Variants in MTA3 observed in about 807,000 individuals in gnomAD.
The protein encoded by MTA3 is metastasis associated 1 family member 3, also known as metastasis-associated protein MTA3.
MTA3 carries 34 observed loss-of-function variants against 83.5 expected under a neutral mutation model. The observed-to-expected ratio is 0.41, with a 90% CI of 0.31 to 0.54. The LOEUF (loss-of-function observed/expected upper bound fraction) is 0.54. MTA3 is among the 20% of genes least tolerant of loss of function. MTA3 has a pLI of 0.33. For missense variants in MTA3, 761 were observed against 726.4 expected (o/e 1.05, Z -0.55); for synonymous variants, 303 against 252.7 (o/e 1.20, Z -1.89).
intron 16 of MTA3, among the ~76,000 whole-genome samples, chr2:42,746,356 A>G (rs1254146566): frequency 2.6e-5 from 4 of 152,114 alleles, no homozygotes; most frequent in Non-Finnish European, 5.9e-5. Flanking sequence ...GCAGTTGCTT[A>G]TTTTTCTGTT....
intron 9 of MTA3, 152 bp downstream of exon 9, chr2:42,682,741 GAAACTGAT>G: frequency 1.4e-6 from 1 of 700,604 alleles, no homozygotes; most frequent in Non-Finnish European, 2.3e-6. Context: ...TGTAAAGGGA[GAAACTGAT>G]AATTGTTTGG....
intron 2 of MTA3, among the ~76,000 whole-genome samples, chr2:42,509,419 G>C (rs1373570430): frequency 2.0e-5 from 3 of 152,112 alleles, no homozygotes; most frequent in Admixed American, 6.6e-5. Context: ...TCTGGGGTCA[G>C]TTCACACCAA....
intron 3 of MTA3, among the ~76,000 whole-genome samples, chr2:42,603,151 C>T (rs1311706949): frequency 1.4e-5 from 2 of 143,664 alleles, no homozygotes; most frequent in Non-Finnish European, 3.0e-5. Flanking sequence ...GAAGGGAGAA[C>T]ACAGGTCCTT....
At chr2:42,595,396 C>T (rs1374552437) in intron 3 of MTA3, among the ~76,000 whole-genome samples, 1 of 152,106 alleles carries the variant, frequency 6.6e-6, no homozygotes, top group Non-Finnish European at 1.5e-5. Flanking sequence ...AGACGTGAGC[C>T]ACTGTGCCCG....
chr2:42,642,032 T>C (rs1307804565), intron 5 of MTA3, among the ~76,000 whole-genome samples: 1 of 152,060 alleles, frequency 6.6e-6, no homozygotes, highest in East Asian at 1.9e-4. Context: ...TATAAAAAAT[T>C]TAAAAATAAA....
At chr2:42,613,566 C>G (rs1180653619) in intron 4 of MTA3, 7 of 152,162 alleles carry the variant, frequency 4.6e-5, no homozygotes, top group Admixed American at 3.9e-4. Flanking sequence ...AGAAAATTAT[C>G]AAAGCCCCAT....
At chr2:42,497,353 G>A (rs1357416851) in intron 2 of MTA3, among the ~76,000 whole-genome samples, 2 of 152,088 alleles carry the variant, frequency 1.3e-5, no homozygotes, top group African/African-American at 4.8e-5. Flanking sequence ...TTGGGAGGCC[G>A]AGGCAGGTGG....
chr2:42,750,829 C>T (rs140449912), intron 16 of MTA3, among the ~76,000 whole-genome samples: 5 of 151,920 alleles, frequency 3.3e-5, no homozygotes, highest in East Asian at 3.9e-4. Context: ...ACTGGTGGGA[C>T]GTAGACAGTT....
At chr2:42,629,031 T>G (rs1279859936) in intron 4 of MTA3, among the ~76,000 whole-genome samples, 1 of 152,170 alleles carries the variant, frequency 6.6e-6, no homozygotes, top group South Asian at 2.1e-4. Context: ...CCAGTTTGGT[T>G]AAATGCTCAG....
At chr2:42,732,942 G>A (rs1393646449) in intron 16 of MTA3, among the ~76,000 whole-genome samples, 1 of 152,124 alleles carries the variant, frequency 6.6e-6, no homozygotes, top group Non-Finnish European at 1.5e-5. Context: ...GGACCTTTTT[G>A]TCCATATCAC....
chr2:42,601,991 C>G lies in MTA3; in HGVS notation c.191-7467C>G, dbSNP rs780191701. Among the ~76,000 whole-genome samples the G allele has an allele frequency of 5.3e-5, 8 of 152,194 alleles. No individual in the cohort carries two copies. The East Asian group carries it at 1.2e-3, about 22-fold the overall frequency. On this transcript the variant is annotated intron_variant, in intron 3 of 16. Transcript: ENST00000405094. ...AGTAGCTGGGATTACAGTCACCCACCACCTTGCCCGGCTAATTTTTGTATT... is the reference window on the plus strand; with the variant it reads ...AGTAGCTGGGATTACAGTCACCCACGACCTTGCCCGGCTAATTTTTGTATT...
intron 16 of MTA3, among the ~76,000 whole-genome samples, chr2:42,732,393 T>C (rs1668293393): frequency 6.6e-6 from 1 of 152,178 alleles, no homozygotes; most frequent in South Asian, 2.1e-4. Context: ...AAGCTCTACA[T>C]TTGCCCCTTT....
At chr2:42,510,087 G>C (rs1674826675) in intron 2 of MTA3, among the ~76,000 whole-genome samples, 1 of 151,870 alleles carries the variant, frequency 6.6e-6, no homozygotes, top group Non-Finnish European at 1.5e-5. Context: ...GCACTTTGGG[G>C]GGCCAAGGTG....
At chr2:42,603,949 T>A (rs1365586571) in intron 3 of MTA3, among the ~76,000 whole-genome samples, 4 of 152,180 alleles carry the variant, frequency 2.6e-5, no homozygotes, top group Admixed American at 1.3e-4. Flanking sequence ...CGGAGCTTCA[T>A]TGTGTTAGCC....
At chr2:42,514,348 A>C (rs1351572048) in intron 2 of MTA3, among the ~76,000 whole-genome samples, 1 of 152,248 alleles carries the variant, frequency 6.6e-6, no homozygotes, top group East Asian at 1.9e-4. Flanking sequence ...ATATGCTTTT[A>C]AAATATTTTT....
intron 15 of MTA3, among the ~76,000 whole-genome samples, chr2:42,721,973 T>C (rs1177862554): frequency 6.6e-6 from 1 of 152,206 alleles, no homozygotes; most frequent in African/African-American, 2.4e-5. Context: ...TGACCAGAGC[T>C]GTAGTAATTC....
Position 42,753,925 on chromosome 2 carries a change from G to C in MTA3, c.*526G>C. ...CTGTCCTTGCTGTTACCGTCACTCA[G>C]CTTTTTCTCGATAGGCTTCATCCTT... On this transcript the variant is annotated 3_prime_UTR_variant, in exon 17 of 17. Coordinates refer to ENST00000405094, the MANE Select transcript of MTA3 (RefSeq NM_001330442.2). 1.0e-6 allele frequency: 1 copy of C among 985,970 alleles called. No individual in the cohort carries two copies. The highest frequency in any genetic ancestry group is 1.2e-6 in the Non-Finnish European group (1 of 830,360). The allele number at this position is 985,970 out of a possible 1,614,324, so 61.1% of individuals were successfully genotyped here.
In MTA3 at chr2:42,718,970, G is replaced by C; in HGVS notation, c.1526-18G>C. ...AATCCATTTCATTGGTTATCTCCAT[G>C]TTTCTTTCTCTCCTCAGATGCAGAC... On this transcript the variant is annotated intron_variant, in intron 14 of 16. Coordinates refer to ENST00000405094, the MANE Select transcript of MTA3 (RefSeq NM_001330442.2). The C allele has an allele frequency of 3.9e-6, 6 of 1,536,752 alleles. No individual in the cohort carries two copies. The highest frequency in any genetic ancestry group is 5.3e-6 in the Non-Finnish European group (6 of 1,134,636).
At chr2:42,659,575 T>A (rs1187660403) in intron 7 of MTA3, 188 bp from the exon 8 acceptor site, 8 of 291,430 alleles carry the variant, frequency 2.7e-5, no homozygotes, top group Non-Finnish European at 4.4e-5. Flanking sequence ...GTAAATTGGC[T>A]TGTCAATTAT....
Sources: allele counts gnomAD v4.1 joint callset (sites outside exome capture counted in the v4.1 genomes callset), GRCh38; gene constraint gnomAD v4.1.1; transcripts MANE v1.5; gene names NCBI Gene and HGNC (gene_info 2026-07-23, HGNC 2026-07-21).